The following CACNA1E variants were observed in gnomAD, a reference collection of about 807,000 sequenced individuals.
CACNA1E encodes the protein voltage-dependent R-type calcium channel subunit alpha-1E.
In CACNA1E, 40 loss-of-function variants were observed where a neutral mutation model predicts 259.2. The observed-to-expected ratio is 0.15, with a 90% CI of 0.12 to 0.20. CACNA1E has a LOEUF of 0.20. CACNA1E is among the 10% of genes least tolerant of loss of function. The pLI, the probability that CACNA1E is intolerant of heterozygous loss-of-function variation, is 1.00. For synonymous variants in CACNA1E, 1,104 were observed against 1,138.5 expected, an observed-to-expected ratio of 0.97 and a Z score of 0.61; for missense variants, 1,874 against 3,040.1, an observed-to-expected ratio of 0.62 and a Z score of 9.02.
chr1:181,481,335 T>TACACACACACAC (rs113766656), upstream of CACNA1E, among the ~76,000 whole-genome samples: 163 of 145,494 alleles, frequency 1.1e-3, no homozygotes, highest in Admixed American at 1.9e-3. Flanking sequence ...AGAATTTTCC[T>TACACACACACAC]ACACACACAC....
rs182974530 is a variant in CACNA1E, at chr1:181,661,049, G to A, written c.1055+9608G>A. ...GCAAGGATCAGGTAAGGCCAACTGAGGCAGGTGACAGTGGTGTGTGCCTTT... is the reference window on the plus strand; with the variant it reads ...GCAAGGATCAGGTAAGGCCAACTGAAGCAGGTGACAGTGGTGTGTGCCTTT... On this transcript the variant is annotated intron_variant, in intron 7 of 47. Coordinates refer to ENST00000367573, the MANE Select transcript of CACNA1E (RefSeq NM_001205293.3). 1.7e-3 allele frequency among the ~76,000 whole-genome samples: 259 copies of A among 152,282 alleles called. 1 individual carries two copies. Among genetic ancestry groups the A allele is most frequent in the African/African-American group, 6.1e-3 (254 of 41,554 alleles).
intron 1 of CACNA1E, among the ~76,000 whole-genome samples, chr1:181,346,431 A>G (rs1452776502): frequency 6.6e-6 from 1 of 152,228 alleles, no homozygotes; most frequent in African/African-American, 2.4e-5. Flanking sequence ...ATTTGTTGCC[A>G]GTACAGTGGG....
chr1:181,580,862 G>A, intron 6 of CACNA1E, 86 bp downstream of exon 6: 1 of 1,168,324 alleles, frequency 8.6e-7, no homozygotes. Flanking sequence ...GCTAGTCCGG[G>A]GACAGGGAGG....
At chr1:181,344,726 A>G (rs1047324402) in intron 1 of CACNA1E, among the ~76,000 whole-genome samples, 3 of 152,164 alleles carry the variant, frequency 2.0e-5, no homozygotes, top group Non-Finnish European at 4.4e-5. Context: ...TTAGTGGAAA[A>G]GGAAACACCC....
chr1:181,775,008 T>G (rs1385733311), intron 37 of CACNA1E, among the ~76,000 whole-genome samples: 2 of 152,322 alleles, frequency 1.3e-5, no homozygotes, highest in East Asian at 3.9e-4. Flanking sequence ...TTTCTCTCTA[T>G]TTACAGATCT....
chr1:181,414,284 G>C (rs1658101524), intron 2 of CACNA1E, among the ~76,000 whole-genome samples: 1 of 152,164 alleles, frequency 6.6e-6, no homozygotes, highest in South Asian at 2.1e-4. Context: ...ATGCCCTGTG[G>C]TCTGTATGTC....
At chr1:181,763,803 G>A (rs1658793858) in intron 34 of CACNA1E, among the ~76,000 whole-genome samples, 1 of 152,080 alleles carries the variant, frequency 6.6e-6, no homozygotes, top group African/African-American at 2.4e-5. Flanking sequence ...CTGAGGCAGG[G>A]GACACATTTT....
chr1:181,762,125 A>T (rs1658631543), intron 32 of CACNA1E, among the ~76,000 whole-genome samples: 1 of 152,222 alleles, frequency 6.6e-6, no homozygotes, highest in African/African-American at 2.4e-5. Context: ...AATAGAGATA[A>T]TTTAAAAGTT....
chr1:181,772,877 G>A (rs1021850983), intron 37 of CACNA1E, among the ~76,000 whole-genome samples: 1 of 152,156 alleles, frequency 6.6e-6, no homozygotes, highest in South Asian at 2.1e-4. Context: ...ATAAAGTGGT[G>A]GGAAGCCCTA....
chr1:181,730,336 C>A (rs1655347083), intron 18 of CACNA1E, among the ~76,000 whole-genome samples: 1 of 152,178 alleles, frequency 6.6e-6, no homozygotes, highest in African/African-American at 2.4e-5. Flanking sequence ...CAAGGATAGC[C>A]CAGATGTGTT....
chr1:181,320,728 G>C (rs2609481), intron 1 of CACNA1E, among the ~76,000 whole-genome samples: 1 of 151,962 alleles, frequency 6.6e-6, no homozygotes, highest in Non-Finnish European at 1.5e-5. Flanking sequence ...CTGCTCAGCC[G>C]GGGGGGTGAT....
chr1:181,548,120 T>TTTTCTTTTC (rs1553275385), intron 3 of CACNA1E, among the ~76,000 whole-genome samples: 2 of 90,964 alleles, frequency 2.2e-5, no homozygotes, highest in East Asian at 5.9e-4. Flanking sequence ...CCCATAACAC[T>TTTTCTTTTC]TTTTTTTTCT....
chr1:181,368,595 G>A (rs1277343206), intron 1 of CACNA1E, among the ~76,000 whole-genome samples: 1 of 152,060 alleles, frequency 6.6e-6, no homozygotes, highest in Non-Finnish European at 1.5e-5. Context: ...TCCCTCTTCT[G>A]TCTGTGAGGA....
intron 1 of CACNA1E, among the ~76,000 whole-genome samples, chr1:181,361,972 C>T (rs916192424): frequency 5.3e-5 from 8 of 152,320 alleles, no homozygotes; most frequent in Non-Finnish European, 1.0e-4. Flanking sequence ...AAATGGCTAT[C>T]ACATTGATTA....
At chr1:181,541,617 G>A (rs1026958551) in intron 3 of CACNA1E, among the ~76,000 whole-genome samples, 4 of 152,176 alleles carry the variant, frequency 2.6e-5, no homozygotes, top group Non-Finnish European at 4.4e-5. Context: ...TGGGCAAGCC[G>A]CAGTGCTTAG....
At chr1:181,756,215 T>C in intron 29 of CACNA1E, 122 bp downstream of exon 29, 1 of 952,662 alleles carries the variant, frequency 1.0e-6, no homozygotes, top group Non-Finnish European at 1.5e-6. Flanking sequence ...GTAAGGGGTT[T>C]TGAGAAGGTG....
At chr1:181,634,551 G>A (rs2101962579) in intron 6 of CACNA1E, among the ~76,000 whole-genome samples, 1 of 152,272 alleles carries the variant, frequency 6.6e-6, no homozygotes. Context: ...CTGTAAACTT[G>A]CTTTTACTAA....
chr1:181,767,354 A>G (rs1256374443), intron 35 of CACNA1E, among the ~76,000 whole-genome samples: 1 of 152,192 alleles, frequency 6.6e-6, no homozygotes, highest in African/African-American at 2.4e-5. Context: ...AACCAGCAGC[A>G]CATCCCATGA....
intron 2 of CACNA1E, among the ~76,000 whole-genome samples, chr1:181,478,391 G>C (rs563749350): frequency 6.6e-6 from 1 of 152,298 alleles, no homozygotes; most frequent in African/African-American, 2.4e-5. Context: ...AGGGCTGTGA[G>C]GTATTGTGAA....
Sources: gnomAD v4.1 joint callset for allele counts (sites outside exome capture counted in the v4.1 genomes callset) on GRCh38, gnomAD v4.1.1 for gene constraint, MANE v1.5 for transcripts, NCBI Gene and HGNC (gene_info 2026-07-23, HGNC 2026-07-21) for gene names.